GLA: variants seen among roughly 807,000 people sequenced by gnomAD.
GLA encodes the protein alpha-galactosidase A.
GLA carries 4 observed loss-of-function variants against 28.2 expected under a neutral mutation model. The ratio of observed to expected loss-of-function variants is 0.14; its 90% CI spans 0.07 to 0.32. GLA has a LOEUF of 0.32. Ranked by LOEUF, GLA falls within the 10% of genes least tolerant of loss-of-function variation. GLA has a pLI of 1.00. For synonymous variants in GLA, 94 were observed against 113.0 expected (o/e 0.83, Z 1.07); for missense variants, 203 against 323.7 (o/e 0.63, Z 2.86).
At chrX:101,401,907 T>C in intron 2 of GLA, 98 bp from the exon 3 acceptor site, 1 of 815,277 alleles carries the variant, frequency 1.2e-6, no homozygotes, top group Non-Finnish European at 1.9e-6. Context: ...GAGACAAGGT[T>C]ACTTCACCAG....
In GLA at chrX:101,398,292, GA is replaced by G. The variant is rs1316980209; in HGVS notation, c.999+77del. On this transcript the variant is annotated intron_variant, in intron 6 of 6. Transcript: ENST00000218516. ...ACTGATAGTAACATCAAGAGCAAGG[GA>G]AAAAAATAGATTTAGGCCCAAGACA... The G allele has an allele frequency of 8.3e-6, 7 of 845,763 alleles. No homozygotes were observed. The African/African-American group carries it at 1.2e-4, about 15-fold the overall frequency. The allele number at this position is 845,763 out of a possible 1,213,427, so 69.7% of individuals were successfully genotyped here.
intron 6 of GLA, 56 bp from the exon 7 acceptor site, chrX:101,398,155 G>T: frequency 9.5e-7 from 1 of 1,048,504 alleles, no homozygotes; most frequent in East Asian, 3.0e-5. Context: ...GGCCCTGTTA[G>T]TTTGGCATTC....
At position 101,407,461 on chromosome X, in the gene GLA, C is replaced by CGAGAGAGAGAGAGAGAGAGA. The variant is rs782246787; in HGVS notation, c.194+229_194+248dup. Among the ~76,000 whole-genome samples, 169 of 103,708 alleles carry CGAGAGAGAGAGAGAGAGAGA rather than the reference C, an allele frequency of 1.6e-3. 2 individuals are homozygous for CGAGAGAGAGAGAGAGAGAGA. Among genetic ancestry groups the CGAGAGAGAGAGAGAGAGAGA allele is most frequent in the African/African-American group, 5.4e-3 (148 of 27,632 alleles). The allele number at this position is 103,708 out of a possible 115,157, so 90.1% of individuals were successfully genotyped here. ...AAGAGAAAGAGAAAGAGAAGGAGAA[C>CGAGAGAGAGAGAGAGAGAGA]GAGAGAGAGAGAGAGAGAGAAAGAA... On this transcript the variant is annotated intron_variant, in intron 1 of 6. Transcript: ENST00000218516.
intron 1 of GLA, among the ~76,000 whole-genome samples, chrX:101,406,211 C>CAAAA (rs781880952): frequency 2.8e-5 from 1 of 35,690 alleles, no homozygotes. Flanking sequence ...GACCCCGTCT[C>CAAAA]AAAAAAAAAA....
intron 2 of GLA, among the ~76,000 whole-genome samples, chrX:101,403,235 C>CTTGCAGTGA (rs1555986123): frequency 3.1e-5 from 3 of 97,231 alleles, no homozygotes; most frequent in Non-Finnish European, 6.1e-5. Flanking sequence ...GGAGGTGGAG[C>CTTGCAGTGA]TTGCAGTGAG....
Position 101,398,581 on chromosome X carries a change from T to A in GLA, c.802-14A>T. The stretch of plus-strand genomic sequence containing the variant: ...GCCAATCACTAACTGAGAAAAAGAA[T>A]GAAATAATTCAAACAAGAGAGGAGG... On this transcript the variant is annotated splice_polypyrimidine_tract_variant and intron_variant, in intron 5 of 6. Transcript: ENST00000218516. 1 of 1,185,221 alleles carries A rather than the reference T, an allele frequency of 8.4e-7. No homozygotes were observed. Among genetic ancestry groups the A allele is most frequent in the South Asian group, 1.8e-5 (1 of 56,358 alleles).
At chrX:101,400,798 A>C in intron 3 of GLA, 41 bp from the exon 4 acceptor site, 1 of 696,359 alleles carries the variant, frequency 1.4e-6, no homozygotes, top group Non-Finnish European at 2.3e-6. Context: ...GAAAGAAATG[A>C]ATTTCCAGCT....
chrX:101,407,318 G>A (rs1016271328), intron 1 of GLA, among the ~76,000 whole-genome samples: 10 of 111,871 alleles, frequency 8.9e-5, no homozygotes, highest in African/African-American at 2.6e-4. Flanking sequence ...TCACAAGAAG[G>A]GTCTGAATAG....
intron 1 of GLA, among the ~76,000 whole-genome samples, chrX:101,406,049 A>G (rs1448547268): frequency 2.9e-4 from 30 of 102,380 alleles, no homozygotes; most frequent in Admixed American, 1.2e-3. Flanking sequence ...CTAAAAAAAA[A>G]AAAAAAAAAA....
chrX:101,401,581 TG>T, intron 3 of GLA, 50 bp downstream of exon 3: 1 of 1,045,464 alleles, frequency 9.6e-7, no homozygotes, highest in Non-Finnish European at 1.3e-6. Flanking sequence ...TCAGCTACCA[TG>T]GCCTCAAAGT....
intron 4 of GLA, 86 bp from the exon 5 acceptor site, chrX:101,399,032 T>G (rs1435603648): frequency 1.2e-6 from 1 of 817,874 alleles, no homozygotes; most frequent in Non-Finnish European, 1.8e-6. Flanking sequence ...ACTTGTAGCC[T>G]TCTCTTGAGT....
At chrX:101,405,839 AC>A (rs1422576362) in intron 1 of GLA, among the ~76,000 whole-genome samples, 8 of 107,696 alleles carry the variant, frequency 7.4e-5, no homozygotes, top group African/African-American at 2.4e-4. Context: ...AACTGCTTAA[AC>A]CCGGGAGGTG....
Position 101,398,963 on chromosome X carries a change from G to A in GLA, c.640-17C>T. On this transcript the variant is annotated splice_polypyrimidine_tract_variant and intron_variant, in intron 4 of 6. Coordinates refer to ENST00000218516, the MANE Select transcript of GLA (RefSeq NM_000169.3). ...ATAATTGGGCTGTGAAAACAGATATGACTCTTCTGTTTACTTTCTACTAAC... is the reference window on the plus strand; with the variant it reads ...ATAATTGGGCTGTGAAAACAGATATAACTCTTCTGTTTACTTTCTACTAAC... The A allele has an allele frequency of 8.5e-7, 1 of 1,181,451 alleles. No individual in the cohort carries two copies. The highest frequency in any genetic ancestry group is 1.2e-6 in the Non-Finnish European group (1 of 869,085).
chrX:101,407,607 G>T, intron 1 of GLA, 103 bp downstream of exon 1: 1 of 765,572 alleles, frequency 1.3e-6, no homozygotes, highest in Non-Finnish European at 2.0e-6. Flanking sequence ...GGGTGGGGGA[G>T]CTCTCCCTCG....
At chrX:101,405,238 A>G (rs1344442666) in intron 1 of GLA, among the ~76,000 whole-genome samples, 5 of 101,713 alleles carry the variant, frequency 4.9e-5, no homozygotes, top group Non-Finnish European at 7.8e-5. Context: ...CTCCAGCTCA[A>G]AAAAAAAAAA....
At chrX:101,406,507 T>C (rs1343814112) in intron 1 of GLA, among the ~76,000 whole-genome samples, 1 of 111,626 alleles carries the variant, frequency 9.0e-6, no homozygotes, top group Non-Finnish European at 1.9e-5. Context: ...TTTTTTGCAA[T>C]GATCATGCAT....
In GLA at chrX:101,397,959, A is replaced by G; in HGVS notation, c.1140T>C (p.Pro380=). 1.4e-5 allele frequency: 17 copies of G among 1,211,529 alleles called. No homozygotes were observed. The highest frequency in any genetic ancestry group is 1.9e-5 in the Non-Finnish European group (17 of 895,115). The change falls in exon 7 of 7, where the codon CCT becomes CCC. Residue 380 remains proline (P), a synonymous_variant. Coordinates refer to ENST00000218516, the MANE Select transcript of GLA (RefSeq NM_000169.3). ...ASLGKGVACN[P]ACFITQLLPV... ...GGAGGAGCTGTGTGATGAAGCAGGC[A>G]GGATTACAGGCCACTCCTTTACCCA...
chrX:101,403,029 G>C (rs1928369350), intron 2 of GLA, among the ~76,000 whole-genome samples: 1 of 110,551 alleles, frequency 9.0e-6, no homozygotes, highest in Non-Finnish European at 1.9e-5. Context: ...GCTAGGCGCG[G>C]TGGCTCATGC....
intron 2 of GLA, among the ~76,000 whole-genome samples, chrX:101,402,854 A>G (rs1427980132): frequency 1.8e-5 from 2 of 112,133 alleles, no homozygotes; most frequent in Non-Finnish European, 3.8e-5. Flanking sequence ...ATCTTCTAAA[A>G]TTCTAGTTTA....
Sources: gnomAD v4.1 joint callset for allele counts (sites outside exome capture counted in the v4.1 genomes callset) on GRCh38, gnomAD v4.1.1 for gene constraint, MANE v1.5 for transcripts, NCBI Gene and HGNC (gene_info 2026-07-23, HGNC 2026-07-21) for gene names.